Variants in HEPHL1 observed in about 807,000 individuals in gnomAD.
The protein encoded by HEPHL1 is ferroxidase HEPHL1.
In HEPHL1, 123 loss-of-function variants were observed where a neutral mutation model predicts 122.0. That is an observed-to-expected ratio of 1.01 (90% CI 0.87 to 1.17). HEPHL1 has a LOEUF of 1.17. Among genes scored for constraint, HEPHL1 ranks in the 50% most tolerant of loss-of-function variants. The probability of loss-of-function intolerance (pLI) is 0.00; values close to 1 mark genes in which losing one functional copy is unlikely to be tolerated. For missense variants in HEPHL1, 1,452 were observed against 1,430.5 expected, an observed-to-expected ratio of 1.01 and a Z score of -0.24; for synonymous variants, 527 against 508.9, an observed-to-expected ratio of 1.04 and a Z score of -0.48.
At chr11:94,096,762 G>A (rs951582469) in intron 13 of HEPHL1, among the ~76,000 whole-genome samples, 9 of 152,018 alleles carry the variant, frequency 5.9e-5, no homozygotes, top group East Asian at 1.9e-4. Flanking sequence ...TGTATGTGTC[G>A]AGGAATTTAT....
At chr11:94,036,753 G>A (rs957581271) in intron 1 of HEPHL1, among the ~76,000 whole-genome samples, 3 of 151,596 alleles carry the variant, frequency 2.0e-5, no homozygotes, top group East Asian at 1.9e-4. Context: ...GCAGGAGAAC[G>A]GTGTGAACCC....
At chr11:94,022,555 G>C (rs1176703546) in intron 1 of HEPHL1, among the ~76,000 whole-genome samples, 1 of 152,194 alleles carries the variant, frequency 6.6e-6, no homozygotes, top group Non-Finnish European at 1.5e-5. Context: ...TGGAAATACA[G>C]CTTCCAAGTT....
At chr11:94,031,557 C>A (rs1945675806) in intron 1 of HEPHL1, among the ~76,000 whole-genome samples, 1 of 152,158 alleles carries the variant, frequency 6.6e-6, no homozygotes, top group Non-Finnish European at 1.5e-5. Flanking sequence ...CTTTTGCTAT[C>A]AAAATCATTC....
chr11:94,065,640 A>G (rs1946027202), intron 4 of HEPHL1, among the ~76,000 whole-genome samples: 1 of 152,206 alleles, frequency 6.6e-6, no homozygotes, highest in Non-Finnish European at 1.5e-5. Context: ...GAAGGCAGGG[A>G]GGCAGAGAAA....
At chr11:94,083,916 A>G (rs1359841604) in intron 10 of HEPHL1, among the ~76,000 whole-genome samples, 1 of 152,250 alleles carries the variant, frequency 6.6e-6, no homozygotes, top group Non-Finnish European at 1.5e-5. Flanking sequence ...TGTAAAAGAA[A>G]TTTATCATCA....
intron 2 of HEPHL1, among the ~76,000 whole-genome samples, chr11:94,046,176 C>CCTCCGT (rs1244757412): frequency 7.4e-6 from 1 of 135,316 alleles, no homozygotes; most frequent in Non-Finnish European, 1.5e-5. Flanking sequence ...CTCACTGCAA[C>CCTCCGT]CTCCGTCTCC....
In HEPHL1 at chr11:94,103,006, G is replaced by C. The variant is rs1335152488; in HGVS notation, c.2668G>C (p.Val890Leu). ...TATTCCATGGGTTTACTATTCAACAGTAAACTTTGTGAAGGTAAGGTGGAG... is the reference window on the plus strand; with the variant it reads ...TATTCCATGGGTTTACTATTCAACACTAAACTTTGTGAAGGTAAGGTGGAG... ...NCIPWVYYST[V>L]NFVKDTYSGL... Residue 890 changes from valine (V) to leucine (L), a missense_variant, in exon 15 of 20, where the codon GTA (valine) becomes CTA (leucine). Transcript: ENST00000315765. 6.3e-7 allele frequency: 1 copy of C among 1,596,068 alleles called. No individual in the cohort carries two copies. Among genetic ancestry groups the C allele is most frequent in the Non-Finnish European group, 8.6e-7 (1 of 1,163,736 alleles).
intron 2 of HEPHL1, chr11:94,055,660 T>C: frequency 2.6e-6 from 1 of 391,028 alleles, no homozygotes; most frequent in Non-Finnish European, 5.1e-6. Flanking sequence ...GGTGAAGATG[T>C]GAGGAAGCTG....
rs142866656 is a variant in HEPHL1, at chr11:94,030,388, T to C, written c.170+8850T>C. On this transcript the variant is annotated intron_variant, in intron 1 of 19. Coordinates refer to ENST00000315765, the MANE Select transcript of HEPHL1 (RefSeq NM_001098672.2). ...ACAGAATCCTGAAAAACAGAAGTGG[T>C]TTAAATCGATTAAAGATTTATTATT... Among the ~76,000 whole-genome samples the C allele has an allele frequency of 3.1e-3, 472 of 152,336 alleles. 6 individuals carry two copies. Among genetic ancestry groups the C allele is most frequent in the African/African-American group, 0.011 (460 of 41,568 alleles).
chr11:94,099,988 G>A (rs1439363859), intron 13 of HEPHL1, among the ~76,000 whole-genome samples: 1 of 152,038 alleles, frequency 6.6e-6, no homozygotes, highest in Admixed American at 6.6e-5. Flanking sequence ...TCCCTGCTTC[G>A]GCTCACGCTC....
intron 9 of HEPHL1, among the ~76,000 whole-genome samples, chr11:94,075,640 T>C (rs902683926): frequency 6.6e-6 from 1 of 152,174 alleles, no homozygotes; most frequent in African/African-American, 2.4e-5. Flanking sequence ...CCTCTTTTTC[T>C]GTGTGCTGCT....
At chr11:94,062,792 C>T (rs1008688373) in intron 2 of HEPHL1, among the ~76,000 whole-genome samples, 1 of 152,032 alleles carries the variant, frequency 6.6e-6, no homozygotes, top group Admixed American at 6.6e-5. Context: ...TTTTAGCAGT[C>T]GGCTTTCCTT....
chr11:94,024,864 GA>G (rs1443788247), intron 1 of HEPHL1, among the ~76,000 whole-genome samples: 13 of 152,242 alleles, frequency 8.5e-5, no homozygotes, highest in African/African-American at 3.1e-4. Context: ...CTTTGTCATT[GA>G]CAATATCCTA....
intron 2 of HEPHL1, among the ~76,000 whole-genome samples, chr11:94,050,469 T>G (rs1945880185): frequency 6.6e-6 from 1 of 152,162 alleles, no homozygotes; most frequent in Non-Finnish European, 1.5e-5. Context: ...AGCTGTACAT[T>G]TTTTTCTAGA....
In HEPHL1 at chr11:94,061,021, C is replaced by T. The variant is rs77920664; in HGVS notation, c.416-2487C>T. On this transcript the variant is annotated intron_variant, in intron 2 of 19. Coordinates refer to ENST00000315765, the MANE Select transcript of HEPHL1 (RefSeq NM_001098672.2). ...ATAAATGGATGCATTTGAGAAGAAG[C>T]GGAGATAGGACCCTGTGGTATTTTG... Among the ~76,000 whole-genome samples, 7 of 151,868 alleles carry T rather than the reference C, an allele frequency of 4.6e-5. No individual in the cohort carries two copies. The East Asian group carries it at 7.7e-4, about 17-fold the overall frequency.
At chr11:94,106,374 G>A (rs1040920348) in intron 17 of HEPHL1, among the ~76,000 whole-genome samples, 3 of 149,988 alleles carry the variant, frequency 2.0e-5, no homozygotes, top group African/African-American at 7.4e-5. Context: ...CTCACTGCAA[G>A]CTCCACCTCC....
chr11:94,103,917 T>C (rs911603810), intron 15 of HEPHL1, among the ~76,000 whole-genome samples: 1 of 152,222 alleles, frequency 6.6e-6, no homozygotes, highest in Non-Finnish European at 1.5e-5. Context: ...CAAATACTTA[T>C]TGAGCACTTG....
chr11:94,076,178 C>A (rs1211431226), intron 9 of HEPHL1, among the ~76,000 whole-genome samples: 1 of 152,122 alleles, frequency 6.6e-6, no homozygotes, highest in Non-Finnish European at 1.5e-5. Context: ...CCTTTCTCTA[C>A]ATGAAGGAAC....
Position 94,112,430 on chromosome 11 carries a change from A to C in HEPHL1, c.*536A>C, listed in dbSNP as rs1440106727. 2 of 152,214 alleles carry C rather than the reference A, an allele frequency of 1.3e-5. No homozygotes were observed. Among genetic ancestry groups the C allele is most frequent in the Non-Finnish European group, 2.9e-5 (2 of 68,040 alleles). 9.4% of individuals were successfully genotyped at this position (152,214 alleles called of 1,614,324 possible). A position where few individuals can be genotyped will look rare whatever the true frequency, so the allele number is the denominator to read the frequency against. On this transcript the variant is annotated 3_prime_UTR_variant, in exon 20 of 20. Transcript: ENST00000315765. ...TCTGCTGATAGAATTAGACCAAATAAATTTTTTGGAGGCTTTAACCAGCTC... is the reference window on the plus strand; with the variant it reads ...TCTGCTGATAGAATTAGACCAAATACATTTTTTGGAGGCTTTAACCAGCTC...
Sources: gnomAD v4.1 joint callset for allele counts (sites outside exome capture counted in the v4.1 genomes callset) on GRCh38, gnomAD v4.1.1 for gene constraint, MANE v1.5 for transcripts, NCBI Gene and HGNC (gene_info 2026-07-23, HGNC 2026-07-21) for gene names.